RPS6KC1: variants seen among roughly 807,000 people sequenced by gnomAD.
RPS6KC1 encodes the protein inactive ribosomal protein S6 kinase delta-1.
In RPS6KC1, 54 loss-of-function variants were observed where a neutral mutation model predicts 103.8. That is an observed-to-expected ratio of 0.52 (90% CI 0.42 to 0.65). The LOEUF is 0.65. Ranked by LOEUF, RPS6KC1 falls within the 30% of genes least tolerant of loss-of-function variation. The probability of loss-of-function intolerance (pLI) is 0.00; values close to 1 mark genes in which losing one functional copy is unlikely to be tolerated. For synonymous variants in RPS6KC1, 439 were observed against 438.7 expected, an observed-to-expected ratio of 1.00 and a Z score of -0.01; for missense variants, 1,151 against 1,253.8, an observed-to-expected ratio of 0.92 and a Z score of 1.24.
At chr1:213,369,623 G>A in the RPS6KC1 span, among the ~76,000 whole-genome samples, 2 of 152,338 alleles carry the variant, frequency 1.3e-5, no homozygotes, top group African/African-American at 4.8e-5. Flanking sequence ...TTTGATCCAT[G>A]TAGACAGCTG....
intron 1 of RPS6KC1, among the ~76,000 whole-genome samples, chr1:213,070,419 A>T (rs891957085): frequency 2.0e-5 from 3 of 152,164 alleles, no homozygotes; most frequent in Non-Finnish European, 4.4e-5. Flanking sequence ...TTTTTTGCTT[A>T]ATTTTTAGTA....
the RPS6KC1 span, among the ~76,000 whole-genome samples, chr1:213,689,228 G>C: frequency 2.0e-5 from 3 of 152,168 alleles, no homozygotes; most frequent in African/African-American, 2.4e-5. Flanking sequence ...CAGGTGGCTG[G>C]ACACTGGTTG....
intron 4 of RPS6KC1, among the ~76,000 whole-genome samples, chr1:213,112,673 C>A (rs1380242994): frequency 6.6e-6 from 1 of 151,968 alleles, no homozygotes; most frequent in Admixed American, 6.6e-5. Context: ...ATTAACTCGT[C>A]ATCTAGCATT....
chr1:213,405,690 G>C, the RPS6KC1 span, among the ~76,000 whole-genome samples: 1 of 152,232 alleles, frequency 6.6e-6, no homozygotes, highest in African/African-American at 2.4e-5. Context: ...TCTCTCGGAT[G>C]AATGTTTGAC....
At chr1:213,386,137 G>C in the RPS6KC1 span, among the ~76,000 whole-genome samples, 1 of 152,126 alleles carries the variant, frequency 6.6e-6, no homozygotes, top group African/African-American at 2.4e-5. Flanking sequence ...TCATTCCCTG[G>C]AGAGCTGGTT....
chr1:213,565,284 A>G, the RPS6KC1 span, among the ~76,000 whole-genome samples: 11 of 152,230 alleles, frequency 7.2e-5, no homozygotes, highest in Non-Finnish European at 1.5e-4. Context: ...AGAGAAACAG[A>G]AAAATACATT....
At chr1:213,540,515 C>T in the RPS6KC1 span, among the ~76,000 whole-genome samples, 1 of 152,014 alleles carries the variant, frequency 6.6e-6, no homozygotes, top group African/African-American at 2.4e-5. Context: ...GGCTGATTTT[C>T]TTTTTTGTAA....
In RPS6KC1 at chr1:213,242,912, C is replaced by G. The variant is rs1052527256; in HGVS notation, c.2911+254C>G. Reference sequence around the variant, plus strand: ...GAGTTTAATACCTCATTAAGAACTGCAGTGAATTCTTAGAAATGTCTTAAC... The same window carrying G: ...GAGTTTAATACCTCATTAAGAACTGGAGTGAATTCTTAGAAATGTCTTAAC... On this transcript the variant is annotated intron_variant, in intron 12 of 14. Coordinates refer to ENST00000366960, the MANE Select transcript of RPS6KC1 (RefSeq NM_012424.6). 4.6e-5 allele frequency among the ~76,000 whole-genome samples: 7 copies of G among 152,238 alleles called. No individual in the cohort carries two copies. The East Asian group carries it at 1.2e-3, about 25-fold the overall frequency.
intron 1 of RPS6KC1, among the ~76,000 whole-genome samples, chr1:213,061,544 C>CT (rs2077840996): frequency 6.7e-6 from 1 of 149,944 alleles, no homozygotes; most frequent in Non-Finnish European, 1.5e-5. Flanking sequence ...TAACAATTGC[C>CT]TATGTGAGCT....
chr1:213,267,536 C>G (rs181423613), intron 14 of RPS6KC1, among the ~76,000 whole-genome samples: 99 of 151,760 alleles, frequency 6.5e-4, no homozygotes, highest in African/African-American at 2.2e-3. Flanking sequence ...AAAGTATGTC[C>G]CATATTCAGA....
At chr1:213,236,558 T>C (rs1049089159) in intron 10 of RPS6KC1, among the ~76,000 whole-genome samples, 4 of 152,198 alleles carry the variant, frequency 2.6e-5, no homozygotes, top group Non-Finnish European at 5.9e-5. Flanking sequence ...AATAAAGCCC[T>C]TTCTTAAACT....
At chr1:213,213,221 A>G (rs1261366578) in intron 8 of RPS6KC1, among the ~76,000 whole-genome samples, 1 of 152,156 alleles carries the variant, frequency 6.6e-6, no homozygotes, top group Non-Finnish European at 1.5e-5. Context: ...ATTTAGGTCT[A>G]TGATCCATTT....
the RPS6KC1 span, among the ~76,000 whole-genome samples, chr1:213,700,616 A>T: frequency 3.8e-3 from 570 of 151,900 alleles, 2 homozygotes; most frequent in Middle Eastern, 6.8e-3. Context: ...TTTGATCAAG[A>T]TTGCATTGAA....
the RPS6KC1 span, among the ~76,000 whole-genome samples, chr1:213,545,671 G>C: frequency 6.6e-6 from 1 of 151,972 alleles, no homozygotes. Flanking sequence ...CTGAGGTACT[G>C]GGGGGTTAGG....
the RPS6KC1 span, among the ~76,000 whole-genome samples, chr1:213,500,526 A>G: frequency 6.6e-6 from 1 of 152,242 alleles, no homozygotes; most frequent in Non-Finnish European, 1.5e-5. Flanking sequence ...GTTGTTTATT[A>G]TTATCAAGCA....
chr1:213,203,618 A>AG (rs1442820431), intron 8 of RPS6KC1, among the ~76,000 whole-genome samples: 3 of 152,114 alleles, frequency 2.0e-5, no homozygotes, highest in Non-Finnish European at 4.4e-5. Flanking sequence ...TTGAATATAC[A>AG]GGGGTATTTT....
chr1:213,062,303 A>G (rs1163650531), intron 1 of RPS6KC1, among the ~76,000 whole-genome samples: 3 of 152,216 alleles, frequency 2.0e-5, no homozygotes, highest in Non-Finnish European at 2.9e-5. Context: ...ATAAAGGTAT[A>G]TATGAAACAA....
chr1:213,443,020 C>T, the RPS6KC1 span, among the ~76,000 whole-genome samples: 338 of 151,700 alleles, frequency 2.2e-3, 1 homozygote, highest in African/African-American at 8.0e-3. Context: ...CTCCTGGTAG[C>T]TGACACTATT....
chr1:213,673,860 AG>A, the RPS6KC1 span, among the ~76,000 whole-genome samples: 1 of 152,042 alleles, frequency 6.6e-6, no homozygotes, highest in African/African-American at 2.4e-5. Context: ...TTTTTGATTC[AG>A]GGGGTACATG....
Sources: allele counts gnomAD v4.1 joint callset (sites outside exome capture counted in the v4.1 genomes callset), GRCh38; gene constraint gnomAD v4.1.1; transcripts MANE v1.5; gene names NCBI Gene and HGNC (gene_info 2026-07-23, HGNC 2026-07-21).